Variants in SEPHS1 observed in about 807,000 individuals in gnomAD.
The protein encoded by SEPHS1 is selenophosphate synthetase 1.
In SEPHS1, 7 loss-of-function variants were observed where a neutral mutation model predicts 39.2. That is an observed-to-expected ratio of 0.18 (90% CI 0.10 to 0.34). SEPHS1 has a LOEUF of 0.34. Ranked by LOEUF, SEPHS1 falls within the 10% of genes least tolerant of loss-of-function variation. The probability of loss-of-function intolerance (pLI) is 1.00; values close to 1 mark genes in which losing one functional copy is unlikely to be tolerated. For synonymous variants in SEPHS1, 190 were observed against 195.5 expected (o/e 0.97, Z 0.23); for missense variants, 253 against 514.5 (o/e 0.49, Z 4.92).
intron 7 of SEPHS1, among the ~76,000 whole-genome samples, chr10:13,325,965 TA>T (rs1471172911): frequency 2.9e-5 from 1 of 34,214 alleles, no homozygotes; most frequent in Non-Finnish European, 7.8e-5. Context: ...AAAAAAAAAA[TA>T]ATAATAATAA....
At position 13,323,037 on chromosome 10, in the gene SEPHS1, G is replaced by A. The variant is rs1012737931; in HGVS notation, c.762C>T (p.Leu254=). 1.2e-6 allele frequency: 2 copies of A among 1,613,886 alleles called. No individual in the cohort carries two copies. Among genetic ancestry groups the A allele is most frequent in the Non-Finnish European group, 1.7e-6 (2 of 1,179,986 alleles). The change falls in exon 8 of 9, where the codon CTC becomes CTT. Residue 254 remains leucine, a synonymous_variant. Transcript: ENST00000327347. The stretch of plus-strand genomic sequence containing the variant: ...CGGCGTGGGCATTGAACGTGTGCAT[G>A]AGTCCTGCAGCTGGGAGAGAGAGGG... ...MARLNRTAAG[L]MHTFNAHAAT...
chr10:13,333,705 T>C, intron 5 of SEPHS1, 112 bp downstream of exon 5: 4 of 1,121,036 alleles, frequency 3.6e-6, no homozygotes, highest in Non-Finnish European at 5.2e-6. Flanking sequence ...CCTACCAAAG[T>C]CTGGGATCAT....
At chr10:13,347,006 G>A (rs61851598) in intron 1 of SEPHS1, among the ~76,000 whole-genome samples, 13,715 of 152,122 alleles carry the variant, frequency 0.09, 734 homozygotes, top group African/African-American at 0.15. Flanking sequence ...GAGGGCATGG[G>A]AAGGGGGAGG....
intron 5 of SEPHS1, among the ~76,000 whole-genome samples, chr10:13,332,746 G>C (rs1263112746): frequency 6.6e-6 from 1 of 151,834 alleles, no homozygotes; most frequent in Non-Finnish European, 1.5e-5. Context: ...GGGAAGCTGA[G>C]GCAGGAGAAT....
intron 4 of SEPHS1, 84 bp downstream of exon 4, chr10:13,336,159 T>C (rs1833626360): frequency 1.1e-6 from 1 of 922,664 alleles, no homozygotes; most frequent in African/African-American, 1.6e-5. Context: ...CCTCGCTTTC[T>C]AGATGGGAAA....
At chr10:13,341,982 A>C (rs918880887) in intron 2 of SEPHS1, among the ~76,000 whole-genome samples, 7 of 147,386 alleles carry the variant, frequency 4.7e-5, no homozygotes, top group African/African-American at 1.8e-4. Context: ...CTCAAGGAAA[A>C]AAAAAAAAAA....
At chr10:13,323,600 G>T (rs888721365) in intron 7 of SEPHS1, among the ~76,000 whole-genome samples, 1 of 151,974 alleles carries the variant, frequency 6.6e-6, no homozygotes, top group African/African-American at 2.4e-5. Flanking sequence ...TGATCCGCCC[G>T]CCCTGGCCTC....
intron 2 of SEPHS1, among the ~76,000 whole-genome samples, chr10:13,339,990 A>C (rs1331301495): frequency 1.3e-5 from 2 of 152,190 alleles, no homozygotes; most frequent in South Asian, 2.1e-4. Flanking sequence ...GCAGGGAAAA[A>C]GCCAGAATTA....
intron 2 of SEPHS1, among the ~76,000 whole-genome samples, chr10:13,342,806 G>C (rs1833833548): frequency 6.6e-6 from 1 of 151,636 alleles, no homozygotes; most frequent in Non-Finnish European, 1.5e-5. Flanking sequence ...TGTGACCTCA[G>C]CTCACTGTAG....
chr10:13,347,838 G>A (rs1458037552), intron 1 of SEPHS1, among the ~76,000 whole-genome samples, 162 bp downstream of exon 1: 6 of 126,132 alleles, frequency 4.8e-5, no homozygotes, highest in Non-Finnish European at 8.1e-5. Context: ...CACCAAGCCC[G>A]GCGCTGCCCC....
chr10:13,330,559 CGCAGCTTCA>C (rs1564447142), intron 5 of SEPHS1, among the ~76,000 whole-genome samples: 1 of 152,146 alleles, frequency 6.6e-6, no homozygotes, highest in Non-Finnish European at 1.5e-5. Flanking sequence ...TTGTGCCTTT[CGCAGCTTCA>C]GCAGCTGAGC....
intron 4 of SEPHS1, 60 bp downstream of exon 4, chr10:13,336,183 A>C (rs1833627265): frequency 8.3e-7 from 1 of 1,201,864 alleles, no homozygotes; most frequent in East Asian, 2.3e-5. Flanking sequence ...AGTCTAACCA[A>C]GGCCAGAGAT....
At chr10:13,337,183 T>C (rs1208382271) in intron 3 of SEPHS1, among the ~76,000 whole-genome samples, 1 of 151,976 alleles carries the variant, frequency 6.6e-6, no homozygotes, top group East Asian at 1.9e-4. Context: ...AAAAAATTTT[T>C]GTAGCTTCTT....
chr10:13,319,960 G>C lies in SEPHS1; in HGVS notation c.965-604C>G, dbSNP rs539730992. The stretch of plus-strand genomic sequence containing the variant: ...GTAGCTATTTTTTCCAAGCTACACT[G>C]AAACAAATATTGACAAACAAAAGGG... On this transcript the variant is annotated intron_variant, in intron 8 of 8. Coordinates refer to ENST00000327347, the MANE Select transcript of SEPHS1 (RefSeq NM_012247.5). Among the ~76,000 whole-genome samples the C allele has an allele frequency of 6.6e-4, 100 of 152,258 alleles. 4 individuals carry two copies. In the South Asian group the frequency reaches 0.016, roughly 24 times the overall value.
chr10:13,337,924 A>G (rs900632613), intron 3 of SEPHS1, among the ~76,000 whole-genome samples: 1 of 152,236 alleles, frequency 6.6e-6, no homozygotes, highest in Non-Finnish European at 1.5e-5. Context: ...AAGTCCCTAC[A>G]GTGCAGCCTG....
At chr10:13,337,757 T>C (rs1158897460) in intron 3 of SEPHS1, among the ~76,000 whole-genome samples, 3 of 152,202 alleles carry the variant, frequency 2.0e-5, no homozygotes, top group African/African-American at 7.2e-5. Context: ...CACCTGGTCA[T>C]GTGGGACCTG....
intron 1 of SEPHS1, among the ~76,000 whole-genome samples, chr10:13,347,519 G>A (rs1037857456): frequency 6.8e-6 from 1 of 146,158 alleles, no homozygotes; most frequent in African/African-American, 2.5e-5. Flanking sequence ...GAGCCGGCGG[G>A]CACCGCGCGT....
At chr10:13,322,734 C>T (rs1588532363) in intron 8 of SEPHS1, 101 bp downstream of exon 8, 13 of 1,129,104 alleles carry the variant, frequency 1.2e-5, no homozygotes, top group East Asian at 1.0e-4. Context: ...GCATGGAACT[C>T]GAACAGAGTG....
chr10:13,334,146 C>T (rs1441688845), intron 4 of SEPHS1, among the ~76,000 whole-genome samples, 175 bp from the exon 5 acceptor site: 4 of 152,154 alleles, frequency 2.6e-5, no homozygotes, highest in Admixed American at 6.5e-5. Context: ...GCCTGTAATC[C>T]CAGCACTTTG....
Sources: allele counts gnomAD v4.1 joint callset (sites outside exome capture counted in the v4.1 genomes callset), GRCh38; gene constraint gnomAD v4.1.1; transcripts MANE v1.5; gene names NCBI Gene and HGNC (gene_info 2026-07-23, HGNC 2026-07-21).